The following ADAMTSL3 variants were observed in gnomAD, a reference collection of about 807,000 sequenced individuals.
The protein encoded by ADAMTSL3 is ADAMTS like 3.
Under a neutral mutation model 201.7 loss-of-function variants are expected in ADAMTSL3, and 128 were observed. The ratio of observed to expected loss-of-function variants is 0.63; its 90% CI spans 0.55 to 0.73. The LOEUF (loss-of-function observed/expected upper bound fraction) is 0.73, where lower values mean the gene tolerates loss of function less well. ADAMTSL3 is among the 30% of genes least tolerant of loss of function. The pLI, the probability that ADAMTSL3 is intolerant of heterozygous loss-of-function variation, is 0.00. For synonymous variants in ADAMTSL3, 738 were observed against 748.4 expected (o/e 0.99, Z 0.23); for missense variants, 1,990 against 2,119.6 (o/e 0.94, Z 1.20).
At chr15:83,956,284 C>T (rs1394689963) in intron 19 of ADAMTSL3, among the ~76,000 whole-genome samples, 3 of 152,176 alleles carry the variant, frequency 2.0e-5, no homozygotes, top group Non-Finnish European at 4.4e-5. Flanking sequence ...CAGCCACTGC[C>T]AGGGAATGGG....
rs143780985 is a variant in ADAMTSL3, at chr15:83,779,060, C to T, written c.317+5410C>T. Among the ~76,000 whole-genome samples, 78 of 152,136 alleles carry T rather than the reference C, an allele frequency of 5.1e-4. 1 individual carries two copies. In the South Asian group the frequency reaches 0.014, roughly 26 times the overall value. Reference sequence around the variant, plus strand: ...TAAAGGGTTCAATTCACAAGAAGACCGAACTATCCTAAATATATATGCACC... The same window carrying T: ...TAAAGGGTTCAATTCACAAGAAGACTGAACTATCCTAAATATATATGCACC... On this transcript the variant is annotated intron_variant, in intron 4 of 29. Transcript: ENST00000286744.
chr15:83,859,827 C>A (rs1271078963), intron 8 of ADAMTSL3, among the ~76,000 whole-genome samples: 1 of 152,208 alleles, frequency 6.6e-6, no homozygotes. Context: ...TTAATCCCCT[C>A]ATGGGAGAAT....
intron 23 of ADAMTSL3, among the ~76,000 whole-genome samples, chr15:83,992,538 A>C (rs67389173): frequency 0.18 from 27,881 of 152,168 alleles, 3,521 homozygotes; most frequent in African/African-American, 0.35. Context: ...CAGATGTCTA[A>C]AGTTTCTACA....
At chr15:83,791,196 A>G (rs2063339085) in intron 4 of ADAMTSL3, among the ~76,000 whole-genome samples, 1 of 152,240 alleles carries the variant, frequency 6.6e-6, no homozygotes, top group Non-Finnish European at 1.5e-5. Flanking sequence ...ATCTCTGTCA[A>G]AATCTGTCAC....
At position 84,037,882 on chromosome 15, in the gene ADAMTSL3, C is replaced by T; in HGVS notation, c.*76C>T. 3.3e-6 allele frequency: 5 copies of T among 1,515,468 alleles called. No homozygotes were observed. The highest frequency in any genetic ancestry group is 4.4e-6 in the Non-Finnish European group (5 of 1,136,040). 93.9% of individuals were successfully genotyped at this position (1,515,468 alleles called of 1,614,324 possible). A position where few individuals can be genotyped will look rare whatever the true frequency, so the allele number is the denominator to read the frequency against. On this transcript the variant is annotated 3_prime_UTR_variant, in exon 30 of 30. Transcript: ENST00000286744. ...AGCTCTTTTCCCCATGTCGCTGATT[C>T]AAAAACATGTATTTCTTAAAAGACT...
chr15:84,006,560 G>A (rs1016434577), intron 23 of ADAMTSL3, among the ~76,000 whole-genome samples: 3 of 152,102 alleles, frequency 2.0e-5, no homozygotes, highest in South Asian at 2.1e-4. Flanking sequence ...CAGCCCCTCC[G>A]GCTCTGAACT....
intron 2 of ADAMTSL3, among the ~76,000 whole-genome samples, chr15:83,671,716 G>C (rs2585040): frequency 0.85 from 129,027 of 152,190 alleles, 55,111 homozygotes; most frequent in East Asian, 0.96. Flanking sequence ...CTCTGCTTTT[G>C]CACTCCCATA....
At chr15:83,686,882 A>G (rs893738870) in intron 2 of ADAMTSL3, among the ~76,000 whole-genome samples, 1 of 152,184 alleles carries the variant, frequency 6.6e-6, no homozygotes, top group Non-Finnish European at 1.5e-5. Context: ...TACATTTTCT[A>G]GTAGCTGTAT....
chr15:83,767,696 C>G (rs1412133928), intron 3 of ADAMTSL3, among the ~76,000 whole-genome samples: 1 of 152,228 alleles, frequency 6.6e-6, no homozygotes, highest in African/African-American at 2.4e-5. Context: ...CTGCCGGATC[C>G]AGTTCCTTCT....
chr15:83,668,844 C>T (rs2061285138), intron 2 of ADAMTSL3, among the ~76,000 whole-genome samples: 1 of 152,144 alleles, frequency 6.6e-6, no homozygotes, highest in Non-Finnish European at 1.5e-5. Context: ...CTGTGTGTCT[C>T]CCATCCTCCT....
chr15:83,750,515 C>T (rs2062621823), intron 3 of ADAMTSL3, among the ~76,000 whole-genome samples: 1 of 151,974 alleles, frequency 6.6e-6, no homozygotes, highest in Admixed American at 6.6e-5. Flanking sequence ...ACTCTGGTCC[C>T]CTTCTTTTTC....
chr15:83,778,691 A>G (rs2063119453), intron 4 of ADAMTSL3, among the ~76,000 whole-genome samples: 1 of 152,238 alleles, frequency 6.6e-6, no homozygotes, highest in Admixed American at 6.5e-5. Flanking sequence ...CAGTGACACT[A>G]TAAAGCAACC....
At chr15:83,659,583 T>C (rs1359604098) in intron 2 of ADAMTSL3, among the ~76,000 whole-genome samples, 1 of 152,182 alleles carries the variant, frequency 6.6e-6, no homozygotes, top group Non-Finnish European at 1.5e-5. Context: ...GCTGACAGTG[T>C]GGATGTCCTT....
At chr15:83,828,994 G>T (rs1407834024) in intron 6 of ADAMTSL3, among the ~76,000 whole-genome samples, 3 of 150,828 alleles carry the variant, frequency 2.0e-5, no homozygotes, top group African/African-American at 7.3e-5. Context: ...TCTCTTTTTT[G>T]GTTGTGTCTC....
At chr15:83,717,186 T>C (rs1435419772) in intron 3 of ADAMTSL3, among the ~76,000 whole-genome samples, 1 of 152,200 alleles carries the variant, frequency 6.6e-6, no homozygotes, top group African/African-American at 2.4e-5. Context: ...CATCAATCCC[T>C]CAACAAATGT....
intron 3 of ADAMTSL3, among the ~76,000 whole-genome samples, chr15:83,767,358 G>C (rs1198789947): frequency 6.6e-6 from 1 of 152,214 alleles, no homozygotes; most frequent in East Asian, 1.9e-4. Flanking sequence ...CAGGGTCACA[G>C]AGTGACATGA....
chr15:83,735,665 T>C (rs920457151), intron 3 of ADAMTSL3, among the ~76,000 whole-genome samples: 2 of 134,734 alleles, frequency 1.5e-5, no homozygotes, highest in Non-Finnish European at 3.2e-5. Flanking sequence ...AACTTCAAGG[T>C]TTTTTTTTTT....
intron 3 of ADAMTSL3, among the ~76,000 whole-genome samples, chr15:83,743,883 C>T (rs1032685280): frequency 1.7e-4 from 25 of 151,510 alleles, no homozygotes; most frequent in African/African-American, 5.6e-4. Flanking sequence ...TTTGATATGG[C>T]GTCTGTTGCC....
At chr15:83,801,278 C>T (rs117941122) in intron 4 of ADAMTSL3, among the ~76,000 whole-genome samples, 47 of 151,950 alleles carry the variant, frequency 3.1e-4, no homozygotes, top group African/African-American at 7.7e-4. Flanking sequence ...AATTAGGTAA[C>T]GCTTTTGGAG....
Sources: allele counts gnomAD v4.1 joint callset (sites outside exome capture counted in the v4.1 genomes callset), GRCh38; gene constraint gnomAD v4.1.1; transcripts MANE v1.5; gene names NCBI Gene and HGNC (gene_info 2026-07-23, HGNC 2026-07-21).